BMERB1: variants seen among roughly 807,000 people sequenced by gnomAD.
BMERB1 encodes bMERB domain-containing protein 1.
In BMERB1, 12 loss-of-function variants were observed where a neutral mutation model predicts 23.6. The ratio of observed to expected loss-of-function variants is 0.51; its 90% CI spans 0.33 to 0.82. The LOEUF is 0.82. Among genes scored for constraint, BMERB1 ranks in the 40% least tolerant of loss-of-function variants. BMERB1 has a pLI of 0.03. For missense variants in BMERB1, 247 were observed against 255.4 expected (o/e 0.97, Z 0.22); for synonymous variants, 122 against 96.6 (o/e 1.26, Z -1.54).
At chr16:15,530,043 G>A (rs1428031202) in intron 2 of BMERB1, among the ~76,000 whole-genome samples, 2 of 152,102 alleles carry the variant, frequency 1.3e-5, no homozygotes, top group Non-Finnish European at 2.9e-5. Flanking sequence ...TTCTAGAACC[G>A]TACTCTTTGC....
intron 1 of BMERB1, among the ~76,000 whole-genome samples, chr16:15,474,154 A>C (rs1339469555): frequency 2.0e-5 from 3 of 150,694 alleles, no homozygotes; most frequent in Non-Finnish European, 4.4e-5. Context: ...TTTCTTTCTG[A>C]ATCCATTCAA....
chr16:15,563,753 A>C (rs913960857), intron 2 of BMERB1, among the ~76,000 whole-genome samples: 1 of 152,236 alleles, frequency 6.6e-6, no homozygotes, highest in South Asian at 2.1e-4. Context: ...AGAACTCACT[A>C]TCATGAGAAC....
At chr16:15,449,834 C>T (rs2051026393) in intron 1 of BMERB1, among the ~76,000 whole-genome samples, 1 of 152,030 alleles carries the variant, frequency 6.6e-6, no homozygotes, top group Non-Finnish European at 1.5e-5. Flanking sequence ...GCATGAACCA[C>T]TGCACCCAGC....
At chr16:15,562,318 AAACAT>A (rs1453132563) in intron 2 of BMERB1, among the ~76,000 whole-genome samples, 4 of 151,048 alleles carry the variant, frequency 2.6e-5, no homozygotes, top group African/African-American at 9.8e-5. Flanking sequence ...AAAAAAAAAA[AAACAT>A]AAATAAATAA....
intron 2 of BMERB1, among the ~76,000 whole-genome samples, chr16:15,540,433 T>C (rs1416230716): frequency 6.6e-6 from 1 of 151,442 alleles, no homozygotes; most frequent in Non-Finnish European, 1.5e-5. Flanking sequence ...GGCTGAAGCA[T>C]GAGAATCACT....
At chr16:15,517,991 GCA>G (rs1364587594) in intron 2 of BMERB1, among the ~76,000 whole-genome samples, 1 of 145,496 alleles carries the variant, frequency 6.9e-6, no homozygotes, top group Non-Finnish European at 1.5e-5. Context: ...GGATGTGTGT[GCA>G]TGTGTGGATG....
intron 1 of BMERB1, among the ~76,000 whole-genome samples, chr16:15,447,122 C>T (rs1567449229): frequency 6.6e-6 from 1 of 152,130 alleles, no homozygotes; most frequent in South Asian, 2.1e-4. Flanking sequence ...GGGATAATAA[C>T]AGGATCTGCC....
intron 1 of BMERB1, among the ~76,000 whole-genome samples, chr16:15,511,671 ATTGC>A (rs1182641515): frequency 6.6e-6 from 1 of 152,196 alleles, no homozygotes; most frequent in East Asian, 1.9e-4. Context: ...TCCCCATATA[ATTGC>A]TTGGCCTTTT....
intron 1 of BMERB1, among the ~76,000 whole-genome samples, chr16:15,477,052 G>A (rs1303441266): frequency 2.0e-5 from 3 of 152,192 alleles, no homozygotes; most frequent in South Asian, 2.1e-4. Context: ...CTTGAGGCTA[G>A]TAGTTCAAGA....
intron 5 of BMERB1, chr16:15,584,196 T>G (rs1198552756): frequency 1.2e-5 from 7 of 588,712 alleles, no homozygotes; most frequent in Admixed American, 1.1e-4. Flanking sequence ...AAACTGTCTT[T>G]TCTTTGTTGA....
At chr16:15,457,007 G>A (rs756891579) in intron 1 of BMERB1, among the ~76,000 whole-genome samples, 3 of 151,966 alleles carry the variant, frequency 2.0e-5, no homozygotes, top group Non-Finnish European at 4.4e-5. Flanking sequence ...TGTATTTTTA[G>A]TAGAGACAGG....
chr16:15,568,187 AAC>A, intron 3 of BMERB1, 131 bp downstream of exon 3: 1 of 703,092 alleles, frequency 1.4e-6, no homozygotes, highest in Non-Finnish European at 2.4e-6. Context: ...GCATGTGTCA[AAC>A]ACAACTTCGA....
At chr16:15,488,953 T>C (rs1471191242) in intron 1 of BMERB1, among the ~76,000 whole-genome samples, 2 of 148,072 alleles carry the variant, frequency 1.4e-5, no homozygotes. Context: ...TTCTACACTC[T>C]AGGGGTGGTT....
chr16:15,444,247 G>C (rs529487944), intron 1 of BMERB1, among the ~76,000 whole-genome samples: 1 of 148,760 alleles, frequency 6.7e-6, no homozygotes, highest in South Asian at 2.2e-4. Context: ...CACAGGTAAA[G>C]GCCCTCTTTT....
intron 2 of BMERB1, among the ~76,000 whole-genome samples, chr16:15,533,630 C>T (rs1017968499): frequency 2.6e-5 from 4 of 152,160 alleles, no homozygotes; most frequent in African/African-American, 7.2e-5. Context: ...AGTCTTTCTC[C>T]TGGGATGCAG....
chr16:15,499,419 A>C (rs978999666), intron 1 of BMERB1, among the ~76,000 whole-genome samples: 19 of 148,912 alleles, frequency 1.3e-4, no homozygotes, highest in African/African-American at 4.5e-4. Context: ...ATAAAAAACA[A>C]AAAAAAAAAG....
At chr16:15,502,998 AG>A (rs1228579415) in intron 1 of BMERB1, among the ~76,000 whole-genome samples, 15 of 152,218 alleles carry the variant, frequency 9.9e-5, no homozygotes, top group African/African-American at 2.9e-4. Flanking sequence ...TGTGATGTCT[AG>A]GCACTACACC....
intron 1 of BMERB1, among the ~76,000 whole-genome samples, chr16:15,514,833 C>G (rs1464461110): frequency 2.0e-5 from 3 of 152,140 alleles, no homozygotes; most frequent in Non-Finnish European, 4.4e-5. Context: ...GTAATCCCAG[C>G]ACTTTGGGAG....
intron 1 of BMERB1, among the ~76,000 whole-genome samples, chr16:15,482,272 C>G (rs2051328548): frequency 2.0e-5 from 3 of 151,868 alleles, no homozygotes; most frequent in Admixed American, 6.6e-5. Flanking sequence ...GCAACATCTT[C>G]TCTGTGTCTA....
Sources: allele counts gnomAD v4.1 joint callset (sites outside exome capture counted in the v4.1 genomes callset), GRCh38; gene constraint gnomAD v4.1.1; transcripts MANE v1.5; gene names NCBI Gene and HGNC (gene_info 2026-07-23, HGNC 2026-07-21).